Variants in SAMD12 observed in about 807,000 individuals in gnomAD.
SAMD12 encodes the protein sterile alpha motif domain containing 12, also known as sterile alpha motif domain-containing protein 12.
A neutral mutation model predicts 15.0 loss-of-function variants in SAMD12; 9 were observed. The ratio of observed to expected loss-of-function variants is 0.60; its 90% CI spans 0.36 to 1.05. SAMD12 has a LOEUF of 1.05. Ranked by LOEUF, SAMD12 falls within the 50% of genes least tolerant of loss-of-function variation. The pLI is 0.01. For missense variants in SAMD12, 230 were observed against 234.2 expected (o/e 0.98, Z 0.12); for synonymous variants, 86 against 90.1 (o/e 0.96, Z 0.25).
intron 2 of SAMD12, among the ~76,000 whole-genome samples, chr8:118,533,784 T>C (rs1052079194): frequency 4.6e-5 from 7 of 152,246 alleles, no homozygotes; most frequent in Admixed American, 3.9e-4. Flanking sequence ...TTTTTTGTTT[T>C]CCCTTTGCTT....
At chr8:118,259,429 G>C (rs1332322229) in intron 4 of SAMD12, among the ~76,000 whole-genome samples, 2 of 152,100 alleles carry the variant, frequency 1.3e-5, no homozygotes, top group African/African-American at 2.4e-5. Flanking sequence ...GTGGGTGGAG[G>C]CTAGGGATGC....
At chr8:118,549,078 T>C (rs1241045211) in intron 2 of SAMD12, among the ~76,000 whole-genome samples, 3 of 152,258 alleles carry the variant, frequency 2.0e-5, no homozygotes, top group Admixed American at 1.3e-4. Flanking sequence ...CCTGCCTCTG[T>C]AGGCTCCACC....
At position 118,604,697 on chromosome 8, in the gene SAMD12, G is replaced by A. The variant is rs551762938; in HGVS notation, c.13+17107C>T. ...AGCACTTTGGGAGGCTGAGGCGGGC[G>A]GATGAGGAGGTCAGGAGATCAAGAC... On this transcript the variant is annotated intron_variant, in intron 1 of 3. Transcript: ENST00000314727. Among the ~76,000 whole-genome samples, 4 of 152,220 alleles carry A rather than the reference G, an allele frequency of 2.6e-5. No individual in the cohort carries two copies. In the South Asian group the frequency reaches 8.3e-4, roughly 32 times the overall value.
intron 4 of SAMD12, among the ~76,000 whole-genome samples, chr8:118,366,884 T>A (rs200511531): frequency 0.039 from 1,662 of 42,752 alleles, 17 homozygotes; most frequent in Non-Finnish European, 0.06. Flanking sequence ...AATAAAATAA[T>A]AAAATAAAAT....
chr8:118,220,576 C>T (rs1812061635), intron 4 of SAMD12, among the ~76,000 whole-genome samples: 2 of 152,134 alleles, frequency 1.3e-5, no homozygotes, highest in Admixed American at 1.3e-4. Flanking sequence ...ATCAGTTTCT[C>T]AAAAAGCTGT....
At chr8:118,423,043 G>A (rs1035780134) in intron 3 of SAMD12, among the ~76,000 whole-genome samples, 1 of 152,152 alleles carries the variant, frequency 6.6e-6, no homozygotes, top group Non-Finnish European at 1.5e-5. Flanking sequence ...GGCCAAGTGT[G>A]GTAGTGTGCG....
the SAMD12 span, among the ~76,000 whole-genome samples, chr8:118,142,085 T>G: frequency 6.6e-6 from 1 of 152,124 alleles, no homozygotes; most frequent in Non-Finnish European, 1.5e-5. Context: ...AGCTGGAGGT[T>G]TTAGAGCCAC....
intron 4 of SAMD12, among the ~76,000 whole-genome samples, chr8:118,328,608 T>C (rs1816668417): frequency 6.6e-6 from 1 of 152,174 alleles, no homozygotes; most frequent in Non-Finnish European, 1.5e-5. Context: ...GAAAGTGTCT[T>C]CAACCTCCAT....
chr8:118,418,221 C>T lies in SAMD12; in HGVS notation c.322+21611G>A, dbSNP rs558565865. On this transcript the variant is annotated intron_variant, in intron 3 of 3. Coordinates refer to ENST00000314727, the MANE Select transcript of SAMD12 (RefSeq NM_207506.3). ...AAGCATTATACTATCGATTACCTTC[C>T]GAGCCTGGCCTGGTTTCACCCTTAG... 5.3e-5 allele frequency among the ~76,000 whole-genome samples: 8 copies of T among 152,314 alleles called. No individual in the cohort carries two copies. The East Asian group carries it at 7.7e-4, about 15-fold the overall frequency.
chr8:118,279,975 G>A (rs1256314809), intron 4 of SAMD12, among the ~76,000 whole-genome samples: 6 of 152,174 alleles, frequency 3.9e-5, no homozygotes, highest in African/African-American at 1.4e-4. Context: ...GTCTGCAAAT[G>A]ATTCCCTTCT....
downstream of SAMD12, among the ~76,000 whole-genome samples, chr8:118,373,291 G>T (rs1268755339): frequency 6.6e-6 from 1 of 152,072 alleles, no homozygotes; most frequent in Non-Finnish European, 1.5e-5. Context: ...TTTGGGTCTT[G>T]GTGCCCAAAT....
intron 3 of SAMD12, among the ~76,000 whole-genome samples, chr8:118,404,648 T>A (rs1821037854): frequency 1.3e-5 from 2 of 152,282 alleles, no homozygotes; most frequent in South Asian, 4.2e-4. Context: ...GAGTGGTATA[T>A]ATGCAGATTT....
At chr8:118,171,017 T>C in the SAMD12 span, among the ~76,000 whole-genome samples, 5 of 152,162 alleles carry the variant, frequency 3.3e-5, no homozygotes, top group Non-Finnish European at 7.4e-5. Flanking sequence ...TCAAAAGATA[T>C]GAATAGACAT....
chr8:118,341,754 A>C (rs2130549454), intron 4 of SAMD12, among the ~76,000 whole-genome samples: 1 of 152,366 alleles, frequency 6.6e-6, no homozygotes, highest in Middle Eastern at 3.4e-3. Flanking sequence ...GTGTTTTGAC[A>C]TATCAATTTC....
At chr8:118,164,408 T>G in the SAMD12 span, among the ~76,000 whole-genome samples, 18 of 152,240 alleles carry the variant, frequency 1.2e-4, no homozygotes, top group Admixed American at 9.2e-4. Flanking sequence ...AATAAAATGG[T>G]GTCATCCAAC....
intron 1 of SAMD12, among the ~76,000 whole-genome samples, chr8:118,614,423 T>C (rs1295546180): frequency 6.6e-6 from 1 of 152,176 alleles, no homozygotes; most frequent in South Asian, 2.1e-4. Context: ...TCTAGCCTGG[T>C]TGCAGATCTT....
chr8:118,151,434 T>C, the SAMD12 span, among the ~76,000 whole-genome samples: 1 of 152,202 alleles, frequency 6.6e-6, no homozygotes, highest in African/African-American at 2.4e-5. Context: ...CACCTCTCAG[T>C]AATGCTCTAT....
chr8:118,423,733 T>C (rs1333892085), intron 3 of SAMD12, among the ~76,000 whole-genome samples: 3 of 152,210 alleles, frequency 2.0e-5, no homozygotes, highest in African/African-American at 7.2e-5. Flanking sequence ...TGGGCTTGTA[T>C]AACATGTGAA....
chr8:118,531,711 T>G (rs910219637), intron 2 of SAMD12, among the ~76,000 whole-genome samples: 3 of 152,236 alleles, frequency 2.0e-5, no homozygotes, highest in Non-Finnish European at 4.4e-5. Flanking sequence ...ATTTCACTCA[T>G]GATTTGGCTC....
Sources: allele counts gnomAD v4.1 joint callset (sites outside exome capture counted in the v4.1 genomes callset), GRCh38; gene constraint gnomAD v4.1.1; transcripts MANE v1.5; gene names NCBI Gene and HGNC (gene_info 2026-07-23, HGNC 2026-07-21).